The following GRM7 variants were observed in gnomAD, a reference collection of about 807,000 sequenced individuals.
The protein encoded by GRM7 is metabotropic glutamate receptor 7.
GRM7 carries 35 observed loss-of-function variants against 84.5 expected under a neutral mutation model. The ratio of observed to expected loss-of-function variants is 0.41; its 90% CI spans 0.32 to 0.55. The LOEUF is 0.55. Among genes scored for constraint, GRM7 ranks in the 20% least tolerant of loss-of-function variants. GRM7 has a pLI of 0.19. For synonymous variants in GRM7, 487 were observed against 455.1 expected (o/e 1.07, Z -0.89); for missense variants, 1,003 against 1,194.6 (o/e 0.84, Z 2.36).
At chr3:7,354,656 G>C (rs891395628) in intron 4 of GRM7, among the ~76,000 whole-genome samples, 3 of 152,116 alleles carry the variant, frequency 2.0e-5, no homozygotes, top group Non-Finnish European at 4.4e-5. Context: ...TTCCTATTTG[G>C]TCTGTGAAGA....
intron 1 of GRM7, among the ~76,000 whole-genome samples, chr3:6,936,910 T>C (rs568626802): frequency 1.4e-4 from 21 of 152,354 alleles, no homozygotes; most frequent in Non-Finnish European, 2.1e-4. Context: ...CCTAAATCTT[T>C]GTTGACATCC....
intron 2 of GRM7, among the ~76,000 whole-genome samples, chr3:7,211,604 G>C (rs1272498367): frequency 7.2e-6 from 1 of 138,764 alleles, no homozygotes; most frequent in South Asian, 2.2e-4. Context: ...CTATTAAAAA[G>C]GGCCAAATAG....
chr3:7,710,998 C>T (rs1243353656), intron 9 of GRM7, among the ~76,000 whole-genome samples: 1 of 152,150 alleles, frequency 6.6e-6, no homozygotes, highest in Non-Finnish European at 1.5e-5. Context: ...CCTATGTACT[C>T]CCACAGCCCT....
chr3:7,644,241 T>C (rs1698519548), intron 8 of GRM7, among the ~76,000 whole-genome samples: 1 of 149,762 alleles, frequency 6.7e-6, no homozygotes, highest in African/African-American at 2.5e-5. Flanking sequence ...TGTACATATA[T>C]ATGTGTGTGT....
chr3:7,348,344 C>T (rs1413727185), intron 4 of GRM7, among the ~76,000 whole-genome samples: 2 of 152,200 alleles, frequency 1.3e-5, no homozygotes, highest in Middle Eastern at 3.4e-3. Flanking sequence ...TTTCCATAGT[C>T]ACATCTCATT....
intron 1 of GRM7, among the ~76,000 whole-genome samples, chr3:7,105,521 G>A (rs1318267): frequency 0.35 from 52,685 of 151,704 alleles, 11,802 homozygotes; most frequent in African/African-American, 0.65. Flanking sequence ...AGACATCTAC[G>A]GTGCTGGGGA....
intron 1 of GRM7, among the ~76,000 whole-genome samples, chr3:7,114,892 A>T (rs548107453): frequency 6.6e-6 from 1 of 151,874 alleles, no homozygotes; most frequent in Non-Finnish European, 1.5e-5. Context: ...TGCCCACCCC[A>T]TGTTTTGCCC....
intron 8 of GRM7, among the ~76,000 whole-genome samples, chr3:7,624,681 G>A (rs1318879318): frequency 1.6e-4 from 24 of 152,082 alleles, no homozygotes; most frequent in Admixed American, 1.5e-3. Flanking sequence ...AATAATATAT[G>A]GGAAGTGCCT....
Position 7,578,617 on chromosome 3 carries a change from G to A in GRM7, c.1711G>A (p.Glu571Lys). 1 of 1,614,058 alleles carries A rather than the reference G, an allele frequency of 6.2e-7. No individual in the cohort carries two copies. The highest frequency in any genetic ancestry group is 8.5e-7 in the Non-Finnish European group (1 of 1,179,958). Residue 571 changes from glutamate to lysine, a missense_variant, in exon 8 of 10, where the codon GAA becomes AAA. Around this residue, in one of 2 missense-constraint regions of GRM7, gnomAD observed 910 missense variants for 1,126.0 expected, o/e 0.81. Coordinates refer to ENST00000357716, the MANE Select transcript of GRM7 (RefSeq NM_000844.4). The stretch of plus-strand genomic sequence containing the variant: ...TTGCCCCTATGACCAGAGGCCCAAT[G>A]AAAATCGAACCGGATGCCAGGATAT... The part of the protein sequence containing the change: ...QHCPYDQRPN[E>K]NRTGCQDIPI...
chr3:7,594,528 T>C (rs1314957090), intron 8 of GRM7, among the ~76,000 whole-genome samples: 1 of 152,122 alleles, frequency 6.6e-6, no homozygotes, highest in African/African-American at 2.4e-5. Flanking sequence ...CCTAATGAGT[T>C]CATTTGTTTT....
chr3:7,565,525 TA>T (rs1694218664), intron 7 of GRM7, among the ~76,000 whole-genome samples: 1 of 152,164 alleles, frequency 6.6e-6, no homozygotes, highest in African/African-American at 2.4e-5. Flanking sequence ...GGTTATTTCA[TA>T]TTGTGACATG....
chr3:7,710,277 A>G (rs755446672), intron 9 of GRM7, among the ~76,000 whole-genome samples: 1 of 152,178 alleles, frequency 6.6e-6, no homozygotes, highest in African/African-American at 2.4e-5. Flanking sequence ...GTAATGCAAA[A>G]GATCTGAAGC....
chr3:7,110,010 G>A (rs533123749), intron 1 of GRM7, among the ~76,000 whole-genome samples: 3 of 151,930 alleles, frequency 2.0e-5, no homozygotes, highest in Non-Finnish European at 4.4e-5. Context: ...ACCTACAAAT[G>A]TACTTCAGTA....
intron 4 of GRM7, among the ~76,000 whole-genome samples, chr3:7,393,905 T>C (rs1387540740): frequency 2.0e-5 from 3 of 152,200 alleles, no homozygotes; most frequent in Admixed American, 2.0e-4. Flanking sequence ...CATCAGATTC[T>C]TGTTGAAGTG....
intron 1 of GRM7, among the ~76,000 whole-genome samples, chr3:6,900,609 T>C (rs967549589): frequency 1.3e-5 from 2 of 152,168 alleles, no homozygotes; most frequent in Non-Finnish European, 2.9e-5. Context: ...AGATTTGAAA[T>C]GCGATGATAT....
At chr3:7,183,128 T>C (rs1399156380) in intron 2 of GRM7, among the ~76,000 whole-genome samples, 1 of 152,166 alleles carries the variant, frequency 6.6e-6, no homozygotes, top group Non-Finnish European at 1.5e-5. Flanking sequence ...ATTTCCAGGT[T>C]GTGCCTAAGT....
At position 7,579,302 on chromosome 3, in the gene GRM7, T is replaced by C; in HGVS notation, c.2396T>C (p.Ile799Thr). The stretch of plus-strand genomic sequence containing the variant: ...GGATTCACTATGTACACGACATGTA[T>C]AGTATGGCTTGCCTTCATTCCAATT... ...PIGFTMYTTC[I>T]VWLAFIPIFF... The change falls in exon 8 of 10, where the codon ATA becomes ACA. Residue 799 changes from isoleucine (I) to threonine (T), a missense_variant. Transcript: ENST00000357716. The C allele has an allele frequency of 1.9e-6, 3 of 1,597,466 alleles. No individual in the cohort carries two copies. Among genetic ancestry groups the C allele is most frequent in the Non-Finnish European group, 2.6e-6 (3 of 1,170,012 alleles).
intron 1 of GRM7, among the ~76,000 whole-genome samples, chr3:6,945,589 G>T (rs994231796): frequency 6.6e-6 from 1 of 152,018 alleles, no homozygotes; most frequent in Non-Finnish European, 1.5e-5. Context: ...GTAATGGGAT[G>T]GCTGGGTCAA....
At chr3:6,983,194 A>G (rs1019961473) in intron 1 of GRM7, among the ~76,000 whole-genome samples, 12 of 152,212 alleles carry the variant, frequency 7.9e-5, no homozygotes, top group Non-Finnish European at 1.3e-4. Flanking sequence ...CACAACCACA[A>G]ACTACTAAAA....
Sources: allele counts gnomAD v4.1 joint callset (sites outside exome capture counted in the v4.1 genomes callset), GRCh38; gene constraint gnomAD v4.1.1; regional missense constraint gnomAD v4.1.1; transcripts MANE v1.5; gene names NCBI Gene and HGNC (gene_info 2026-07-23, HGNC 2026-07-21).